The following DPF3 variants were observed in gnomAD, a reference collection of about 807,000 sequenced individuals.
DPF3 encodes the protein zinc finger protein DPF3.
DPF3 carries 18 observed loss-of-function variants against 56.8 expected under a neutral mutation model. That is an observed-to-expected ratio of 0.32 (90% CI 0.22 to 0.47). DPF3 has a LOEUF of 0.47. Ranked by LOEUF, DPF3 falls within the 20% of genes least tolerant of loss-of-function variation. The probability of loss-of-function intolerance (pLI) is 1.00; values close to 1 mark genes in which losing one functional copy is unlikely to be tolerated. For synonymous variants in DPF3, 188 were observed against 180.2 expected, an observed-to-expected ratio of 1.04 and a Z score of -0.35; for missense variants, 403 against 488.8, an observed-to-expected ratio of 0.82 and a Z score of 1.65.
chr14:72,800,885 G>T (rs1435312207), intron 1 of DPF3, among the ~76,000 whole-genome samples: 1 of 152,226 alleles, frequency 6.6e-6, no homozygotes, highest in East Asian at 1.9e-4. Context: ...TACAACTAAA[G>T]AATTAAAACG....
intron 4 of DPF3, among the ~76,000 whole-genome samples, chr14:72,729,190 G>A (rs2139851102): frequency 6.6e-6 from 1 of 152,258 alleles, no homozygotes; most frequent in Non-Finnish European, 1.5e-5. Flanking sequence ...AGAGGTTGCA[G>A]CGAGCCGAGA....
chr14:72,619,393 A>C lies in DPF3; in HGVS notation c.1067-26T>G, dbSNP rs576365164. ...CTGCAAGAAATGAGACGGCTTTAGTAGCAGCCCCTCTGCTAACTCTGGAGC... is the reference window on the plus strand; with the variant it reads ...CTGCAAGAAATGAGACGGCTTTAGTCGCAGCCCCTCTGCTAACTCTGGAGC... On this transcript the variant is annotated intron_variant, in intron 10 of 10. Coordinates refer to ENST00000556509, the MANE Select transcript of DPF3 (RefSeq NM_001280542.3). 2.5e-4 allele frequency: 388 copies of C among 1,535,776 alleles called. 1 individual carries two copies. In the African/African-American group the frequency reaches 4.4e-3, roughly 17 times the overall value.
intron 1 of DPF3, among the ~76,000 whole-genome samples, chr14:72,874,160 T>A (rs1304098060): frequency 6.0e-5 from 8 of 133,462 alleles, no homozygotes; most frequent in East Asian, 2.5e-4. Flanking sequence ...AAAGCAGAAA[T>A]CAATAAGAAA....
intron 1 of DPF3, among the ~76,000 whole-genome samples, chr14:72,836,742 G>T (rs917071391): frequency 1.3e-5 from 2 of 151,968 alleles, no homozygotes; most frequent in African/African-American, 2.4e-5. Context: ...TCTCTCTCAA[G>T]CTGGTCAATC....
intron 3 of DPF3, among the ~76,000 whole-genome samples, chr14:72,745,639 C>T (rs1161018968): frequency 6.6e-6 from 1 of 152,160 alleles, no homozygotes; most frequent in African/African-American, 2.4e-5. Flanking sequence ...GCCTCTCCCT[C>T]CATCTCCATC....
chr14:72,609,614 G>A lies in DPF3; in HGVS notation c.*9683C>T, dbSNP rs1293666999. Among the ~76,000 whole-genome samples, 2 of 152,190 alleles carry A rather than the reference G, an allele frequency of 1.3e-5. No individual in the cohort carries two copies. The highest frequency in any genetic ancestry group is 6.5e-5 in the Admixed American group (1 of 15,288). ...ACGAAAGAGTGGGAACCTGACACAC[G>A]TGGGAAGGGCACATCCCCAGAGGAC... On this transcript the variant is annotated 3_prime_UTR_variant, in exon 11 of 11. Transcript: ENST00000556509.
chr14:72,828,543 A>AAAAAAAAC (rs1160468290), intron 1 of DPF3, among the ~76,000 whole-genome samples: 2 of 151,198 alleles, frequency 1.3e-5, no homozygotes, highest in African/African-American at 4.9e-5. Context: ...GTCTTAAAAA[A>AAAAAAAAC]AAAAAAAAAC....
intron 1 of DPF3, among the ~76,000 whole-genome samples, chr14:72,875,768 TGGAA>T (rs66469712): frequency 0.35 from 53,721 of 151,764 alleles, 11,610 homozygotes; most frequent in Non-Finnish European, 0.49. Flanking sequence ...AGGGCATTTC[TGGAA>T]GGAAGTGGCC....
chr14:72,648,734 CCT>C (rs1208303192), intron 8 of DPF3, among the ~76,000 whole-genome samples: 2 of 152,084 alleles, frequency 1.3e-5, no homozygotes, highest in Non-Finnish European at 2.9e-5. Flanking sequence ...TACCTCTCAC[CCT>C]GAGAATTTTG....
At chr14:72,654,105 G>T (rs1388431478) in intron 8 of DPF3, among the ~76,000 whole-genome samples, 5 of 152,130 alleles carry the variant, frequency 3.3e-5, no homozygotes, top group Non-Finnish European at 7.4e-5. Context: ...CTCGTGGCCA[G>T]CCTCCTCCTT....
intron 1 of DPF3, among the ~76,000 whole-genome samples, chr14:72,785,718 A>G (rs1327574102): frequency 6.6e-6 from 1 of 152,232 alleles, no homozygotes; most frequent in African/African-American, 2.4e-5. Context: ...CAGTAACTCA[A>G]AAAAAGTTAA....
At chr14:72,833,180 G>A (rs145502065) in intron 1 of DPF3, among the ~76,000 whole-genome samples, 10 of 152,308 alleles carry the variant, frequency 6.6e-5, no homozygotes, top group African/African-American at 7.2e-5. Context: ...CAGTCTGAGC[G>A]GGAGTGAACT....
intron 1 of DPF3, among the ~76,000 whole-genome samples, chr14:72,842,825 C>A (rs1182862791): frequency 1.3e-5 from 2 of 152,108 alleles, no homozygotes; most frequent in Non-Finnish European, 2.9e-5. Context: ...AGTTTAAGAC[C>A]AGCCTGGCCA....
chr14:72,682,654 A>T (rs1320875304), intron 7 of DPF3, among the ~76,000 whole-genome samples: 1 of 152,234 alleles, frequency 6.6e-6, no homozygotes, highest in African/African-American at 2.4e-5. Context: ...TTCTTCAGAC[A>T]GAAAGCCGTA....
chr14:72,847,356 C>G (rs1325023502), intron 1 of DPF3, among the ~76,000 whole-genome samples: 7 of 152,168 alleles, frequency 4.6e-5, no homozygotes, highest in Admixed American at 1.3e-4. Flanking sequence ...ATGAGGGCCA[C>G]GACATATGTC....
At position 72,650,179 on chromosome 14, in the gene DPF3, G is replaced by GAAAAAT. The variant is rs1288358207; in HGVS notation, c.872-20444_872-20443insATTTTT. Reference sequence around the variant, plus strand: ...CCCAGAGGATGGCCTGGGGATGAGGGGGGACTGCTCATTAGCTACCCAGCC... The same window carrying GAAAAAT: ...CCCAGAGGATGGCCTGGGGATGAGGGAAAAATGGGACTGCTCATTAGCTACCCAGCC... On this transcript the variant is annotated intron_variant, in intron 8 of 10. Coordinates refer to ENST00000556509, the MANE Select transcript of DPF3 (RefSeq NM_001280542.3). 3.4e-4 allele frequency among the ~76,000 whole-genome samples: 52 copies of GAAAAAT among 152,306 alleles called. 1 individual carries two copies. In the East Asian group the frequency reaches 9.9e-3, roughly 29 times the overall value.
intron 8 of DPF3, among the ~76,000 whole-genome samples, chr14:72,634,847 T>C (rs1885341624): frequency 6.6e-6 from 1 of 152,094 alleles, no homozygotes; most frequent in Non-Finnish European, 1.5e-5. Flanking sequence ...CAGGCCCCCC[T>C]GGGTGCCATG....
At chr14:72,834,229 T>C (rs920450912) in intron 1 of DPF3, among the ~76,000 whole-genome samples, 5 of 148,786 alleles carry the variant, frequency 3.4e-5, no homozygotes, top group African/African-American at 7.5e-5. Context: ...AGGCATGGAG[T>C]CTGACGCCTG....
chr14:72,861,741 A>AAGAAAG (rs369077833), intron 1 of DPF3, among the ~76,000 whole-genome samples: 8,517 of 106,640 alleles, frequency 0.08, 315 homozygotes, highest in Middle Eastern at 0.14. Context: ...AAGAAAGAGA[A>AAGAAAG]AGAAAGAAAG....
Sources: allele counts gnomAD v4.1 joint callset (sites outside exome capture counted in the v4.1 genomes callset), GRCh38; gene constraint gnomAD v4.1.1; transcripts MANE v1.5; gene names NCBI Gene and HGNC (gene_info 2026-07-23, HGNC 2026-07-21).